CTNNB1: variants seen among roughly 807,000 people sequenced by gnomAD.
The protein encoded by CTNNB1 is catenin beta-1.
A neutral mutation model predicts 82.5 loss-of-function variants in CTNNB1; 6 were observed. That is an observed-to-expected ratio of 0.07 (90% CI 0.04 to 0.14). The LOEUF is 0.14. CTNNB1 is among the 10% of genes least tolerant of loss of function. The pLI is 1.00. For synonymous variants in CTNNB1, 312 were observed against 329.7 expected (o/e 0.95, Z 0.58); for missense variants, 529 against 980.4 (o/e 0.54, Z 6.15).
At chr3:41,208,291 A>G (rs1013821856) in intron 1 of CTNNB1, among the ~76,000 whole-genome samples, 1 of 152,170 alleles carries the variant, frequency 6.6e-6, no homozygotes, top group African/African-American at 2.4e-5. Flanking sequence ...CAATATGTTG[A>G]TTTACAGTCT....
At position 41,234,099 on chromosome 3, in the gene CTNNB1, T is replaced by C. The variant is rs763123950; in HGVS notation, c.1525-40T>C. The C allele has an allele frequency of 1.9e-6, 3 of 1,613,592 alleles. No individual in the cohort carries two copies. The South Asian group carries it at 3.3e-5, about 18-fold the overall frequency. On this transcript the variant is annotated intron_variant, in intron 9 of 14. Coordinates refer to ENST00000349496, the MANE Select transcript of CTNNB1 (RefSeq NM_001904.4). The stretch of plus-strand genomic sequence containing the variant: ...GGGAATTTTAGGGTAAGAAAATGAT[T>C]TTGTTGAGTTGTATGCCAGTTCTTC...
chr3:41,227,129 A>G lies in CTNNB1; in HGVS notation c.937-79A>G. ...CTGGCTGAAATTCTTGTATAATAAA[A>G]TAGGTTGGTAATATGGCTCTTCTCA... On this transcript the variant is annotated intron_variant, in intron 6 of 14. Coordinates refer to ENST00000349496, the MANE Select transcript of CTNNB1 (RefSeq NM_001904.4). The G allele has an allele frequency of 2.5e-6, 3 of 1,217,930 alleles. No homozygotes were observed. The East Asian group carries it at 7.0e-5, about 28-fold the overall frequency. The allele number at this position is 1,217,930 out of a possible 1,614,324, so 75.4% of individuals were successfully genotyped here.
intron 14 of CTNNB1, among the ~76,000 whole-genome samples, chr3:41,238,787 G>A (rs892544069): frequency 6.6e-6 from 1 of 152,120 alleles, no homozygotes; most frequent in Non-Finnish European, 1.5e-5. Flanking sequence ...CACTGCCTAG[G>A]TGGTCACACA....
chr3:41,234,389 CCCAT>C, intron 10 of CTNNB1, 92 bp downstream of exon 10: 1 of 1,274,470 alleles, frequency 7.8e-7, no homozygotes, highest in South Asian at 1.2e-5. Flanking sequence ...ATTGGTTCCC[CCCAT>C]CCGTCTTCCT....
intron 7 of CTNNB1, among the ~76,000 whole-genome samples, chr3:41,230,924 A>G (rs1163403168): frequency 2.0e-5 from 3 of 152,246 alleles, no homozygotes; most frequent in African/African-American, 4.8e-5. Flanking sequence ...AAAAATTGCA[A>G]AAGAATCTCA....
chr3:41,217,490 T>C (rs1006377830), intron 1 of CTNNB1, among the ~76,000 whole-genome samples: 4 of 152,326 alleles, frequency 2.6e-5, no homozygotes, highest in Admixed American at 1.3e-4. Flanking sequence ...GGATAAATTA[T>C]TTTTTATTCA....
At chr3:41,206,991 A>G (rs9867787) in intron 1 of CTNNB1, among the ~76,000 whole-genome samples, 15,238 of 152,258 alleles carry the variant, frequency 0.1, 1,255 homozygotes, top group Admixed American at 0.21. Context: ...AATTTAGTAT[A>G]TCAATTTTCT....
chr3:41,238,174 G>T, intron 14 of CTNNB1, 98 bp downstream of exon 14: 1 of 1,059,338 alleles, frequency 9.4e-7, no homozygotes, highest in Non-Finnish European at 1.5e-6. Context: ...ACCAGTGTTG[G>T]CAGAAAAGTA....
At chr3:41,224,785 A>G (rs1489386269) in intron 3 of CTNNB1, 32 bp downstream of exon 3, 1 of 1,604,038 alleles carries the variant, frequency 6.2e-7, no homozygotes, top group African/African-American at 1.3e-5. Flanking sequence ...GCCTTACTGA[A>G]AGTCAGAATG....
intron 1 of CTNNB1, among the ~76,000 whole-genome samples, chr3:41,217,411 G>T (rs1266736421): frequency 1.3e-5 from 2 of 152,168 alleles, no homozygotes; most frequent in African/African-American, 4.8e-5. Context: ...CTTACTCATT[G>T]TTATTGTAAT....
At chr3:41,232,059 AG>A (rs1195453030) in intron 7 of CTNNB1, among the ~76,000 whole-genome samples, 9 of 152,122 alleles carry the variant, frequency 5.9e-5, no homozygotes, top group African/African-American at 1.9e-4. Flanking sequence ...GAGATTTGGA[AG>A]TTTCCCTCTT....
intron 1 of CTNNB1, chr3:41,211,197 G>A (rs1427082886): frequency 4.8e-5 from 19 of 398,446 alleles, no homozygotes; most frequent in South Asian, 2.7e-4. Flanking sequence ...CGACGTTAAC[G>A]ATGGCTACAA....
intron 7 of CTNNB1, among the ~76,000 whole-genome samples, chr3:41,229,612 T>G (rs888007120): frequency 6.6e-6 from 1 of 152,132 alleles, no homozygotes; most frequent in Non-Finnish European, 1.5e-5. Flanking sequence ...GGGCAGAGAT[T>G]ATGGGGTTTT....
intron 1 of CTNNB1, among the ~76,000 whole-genome samples, chr3:41,219,628 A>C (rs186760252): frequency 7.0e-4 from 107 of 152,316 alleles, no homozygotes; most frequent in African/African-American, 1.8e-3. Flanking sequence ...TATCTATTAA[A>C]AGTTGTGTCA....
chr3:41,207,404 C>T (rs531329871), intron 1 of CTNNB1, among the ~76,000 whole-genome samples: 4 of 152,236 alleles, frequency 2.6e-5, no homozygotes, highest in African/African-American at 7.2e-5. Flanking sequence ...TTACATTTGT[C>T]TGAAAAGATC....
At chr3:41,208,873 CA>C (rs753860430) in intron 1 of CTNNB1, among the ~76,000 whole-genome samples, 3 of 152,102 alleles carry the variant, frequency 2.0e-5, no homozygotes, top group Admixed American at 1.3e-4. Flanking sequence ...TATCCCATTA[CA>C]AAAAAAATTT....
intron 1 of CTNNB1, among the ~76,000 whole-genome samples, chr3:41,209,935 C>T (rs2077739136): frequency 6.6e-6 from 1 of 152,130 alleles, no homozygotes; most frequent in South Asian, 2.1e-4. Flanking sequence ...ACTTGGGCTA[C>T]ACTACATTTT....
intron 7 of CTNNB1, among the ~76,000 whole-genome samples, chr3:41,229,109 T>C (rs1015777696): frequency 1.3e-5 from 2 of 152,220 alleles, no homozygotes; most frequent in Non-Finnish European, 2.9e-5. Flanking sequence ...TAACCTTGTA[T>C]TAACAGTATA....
At chr3:41,213,665 AT>A (rs2077848318) in intron 1 of CTNNB1, among the ~76,000 whole-genome samples, 1 of 152,226 alleles carries the variant, frequency 6.6e-6, no homozygotes, top group Non-Finnish European at 1.5e-5. Context: ...GAACAGAAAT[AT>A]CCCTTTTGAT....
Sources: gnomAD v4.1 joint callset for allele counts (sites outside exome capture counted in the v4.1 genomes callset) on GRCh38, gnomAD v4.1.1 for gene constraint, MANE v1.5 for transcripts, NCBI Gene and HGNC (gene_info 2026-07-23, HGNC 2026-07-21) for gene names.